The following TBC1D1 variants were observed in gnomAD, a reference collection of about 807,000 sequenced individuals.
The protein encoded by TBC1D1 is TBC1 (tre-2/USP6, BUB2, cdc16) domain family, member 1.
A neutral mutation model predicts 125.6 loss-of-function variants in TBC1D1; 89 were observed. That is an observed-to-expected ratio of 0.71 (90% CI 0.60 to 0.85). TBC1D1 has a LOEUF of 0.85. Ranked by LOEUF, TBC1D1 falls within the 40% of genes least tolerant of loss-of-function variation. The probability of loss-of-function intolerance (pLI) is 0.00; values close to 1 mark genes in which losing one functional copy is unlikely to be tolerated. For synonymous variants in TBC1D1, 565 were observed against 564.1 expected (o/e 1.00, Z -0.02); for missense variants, 1,377 against 1,469.2 (o/e 0.94, Z 1.03).
intron 12 of TBC1D1, among the ~76,000 whole-genome samples, chr4:38,089,314 G>C (rs1451544463): frequency 6.6e-6 from 1 of 152,206 alleles, no homozygotes; most frequent in Non-Finnish European, 1.5e-5. Flanking sequence ...CGTGGTAGAA[G>C]GTCTGCTAGT....
chr4:38,071,939 A>AG, intron 12 of TBC1D1, among the ~76,000 whole-genome samples: 1 of 152,326 alleles, frequency 6.6e-6, no homozygotes, highest in East Asian at 1.9e-4. Flanking sequence ...AATAGTGTCT[A>AG]GGGTCAGCAC....
At chr4:38,008,318 ACTT>A (rs1740772126) in intron 2 of TBC1D1, among the ~76,000 whole-genome samples, 3 of 152,236 alleles carry the variant, frequency 2.0e-5, no homozygotes, top group South Asian at 4.1e-4. Context: ...CCATTCGATT[ACTT>A]CTTTTGTGGT....
intron 1 of TBC1D1, among the ~76,000 whole-genome samples, chr4:37,895,224 T>C (rs1323244745): frequency 6.6e-6 from 1 of 152,216 alleles, no homozygotes; most frequent in Non-Finnish European, 1.5e-5. Context: ...AATCAGTTAA[T>C]AAACACACTA....
chr4:38,106,711 C>T (rs979999259), intron 15 of TBC1D1, among the ~76,000 whole-genome samples: 9 of 152,150 alleles, frequency 5.9e-5, no homozygotes, highest in Admixed American at 2.6e-4. Flanking sequence ...CATTCTTCCA[C>T]GGACACGATC....
At chr4:37,931,787 C>T (rs983341885) in intron 2 of TBC1D1, among the ~76,000 whole-genome samples, 1 of 152,030 alleles carries the variant, frequency 6.6e-6, no homozygotes, top group African/African-American at 2.4e-5. Context: ...TTCCATTCCT[C>T]TTATTCCTTT....
intron 2 of TBC1D1, among the ~76,000 whole-genome samples, chr4:37,947,755 G>A (rs888084685): frequency 2.7e-4 from 41 of 152,304 alleles, no homozygotes; most frequent in African/African-American, 9.6e-4. Context: ...GTTGTTTGGA[G>A]ACAAAGTAGA....
rs757133766 is a variant in TBC1D1 at position 38,052,202 on chromosome 4, CGTGTGT to C, written c.1911-1994_1911-1989del. 35 of 628,502 alleles carry C rather than the reference CGTGTGT, an allele frequency of 5.6e-5. No homozygotes were observed. In the African/African-American group the frequency reaches 6.1e-4, roughly 11 times the overall value. The allele number at this position is 628,502 out of a possible 1,614,324, so 38.9% of individuals were successfully genotyped here. ...GTGTGTGTGTGTGTGTGTGCGCGCG[CGTGTGT>C]GTCTTTGTTTATATTTTGTCTTATT... is the stretch of plus-strand genomic sequence containing the variant. On this transcript the variant is annotated intron_variant, in intron 11 of 19. Transcript: ENST00000261439.
At chr4:37,930,064 A>G (rs1722955139) in intron 2 of TBC1D1, among the ~76,000 whole-genome samples, 1 of 152,240 alleles carries the variant, frequency 6.6e-6, no homozygotes, top group South Asian at 2.1e-4. Context: ...ATGAATGGAA[A>G]GTTGACAGCA....
chr4:38,052,194 T>TGTGTGTGTGTGTGC lies in TBC1D1; in HGVS notation c.1911-2004_1911-2003insTGTGTGTGTGTGCG, dbSNP rs755025486. On this transcript the variant is annotated intron_variant, in intron 11 of 19. Coordinates refer to ENST00000261439, the MANE Select transcript of TBC1D1 (RefSeq NM_015173.4). ...GTGTGTGTGTGTGTGTGTGTGTGTG[T>TGTGTGTGTGTGTGC]GCGCGCGCGTGTGTGTCTTTGTTTA... 2.8e-3 allele frequency: 1,598 copies of TGTGTGTGTGTGTGC among 580,768 alleles called. 3 individuals carry two copies. The highest frequency in any genetic ancestry group is 3.2e-3 in the Admixed American group (92 of 28,318). 36.0% of individuals were successfully genotyped at this position (580,768 alleles called of 1,614,324 possible).
At chr4:37,931,974 CTGTT>C (rs201192549) in intron 2 of TBC1D1, among the ~76,000 whole-genome samples, 3,358 of 152,262 alleles carry the variant, frequency 0.022, 52 homozygotes, top group Middle Eastern at 0.034. Context: ...TATTCTGTAT[CTGTT>C]TCCCTACCAG....
At chr4:38,051,969 C>A in intron 11 of TBC1D1, 1 of 1,550,830 alleles carries the variant, frequency 6.4e-7, no homozygotes, top group African/African-American at 1.4e-5. Context: ...TCCTCCACCT[C>A]GTCTTAACCC....
intron 12 of TBC1D1, among the ~76,000 whole-genome samples, chr4:38,067,077 A>G (rs1403930751): frequency 1.3e-5 from 2 of 152,052 alleles, no homozygotes; most frequent in Admixed American, 6.5e-5. Context: ...GGGTTTCACC[A>G]TGTTAACCAG....
At position 38,014,908 on chromosome 4, in the gene TBC1D1, C is replaced by G. The variant is rs1742359793; in HGVS notation, c.817C>G (p.Leu273Val). The change falls in exon 3 of 20, where the codon CTC becomes GTC. Residue 273 changes from leucine (L) to valine (V), a missense_variant. Coordinates refer to ENST00000261439, the MANE Select transcript of TBC1D1 (RefSeq NM_015173.4). The surrounding 1 kb of genome is among the most constrained non-coding windows in gnomAD (Gnocchi z 5.1). ...CGAGGAGAGCGACATTGAGAACCAC[C>G]TCATTAGCGGACACAATATTGTGCA... is the stretch of plus-strand genomic sequence containing the variant. 1 of 1,597,758 alleles carries G rather than the reference C, an allele frequency of 6.3e-7. No individual in the cohort carries two copies. The highest frequency in any genetic ancestry group is 8.6e-7 in the Non-Finnish European group (1 of 1,168,684).
At position 37,902,258 on chromosome 4, in the gene TBC1D1, A is replaced by C. The variant is rs1022295476; in HGVS notation, c.163A>C (p.Thr55Pro). ...GGTGCGAAGACTCAGCAGGCAGTCC[A>C]CCAGAAAGGAACCTGTAACCAAGCA... The change falls in exon 2 of 20, where the codon ACC becomes CCC. Residue 55 changes from threonine (T) to proline (P), a missense_variant. This residue lies in a region of TBC1D1 where 822 missense variants were observed against 824.6 expected (regional missense o/e 1.00). Coordinates refer to ENST00000261439, the MANE Select transcript of TBC1D1 (RefSeq NM_015173.4). 1.2e-6 allele frequency: 2 copies of C among 1,613,926 alleles called. No homozygotes were observed. The highest frequency in any genetic ancestry group is 8.5e-7 in the Non-Finnish European group (1 of 1,179,998).
intron 4 of TBC1D1, among the ~76,000 whole-genome samples, chr4:38,019,774 G>C (rs914879825): frequency 3.3e-5 from 5 of 152,102 alleles, no homozygotes; most frequent in African/African-American, 1.2e-4. Flanking sequence ...TGATACCATG[G>C]TAGAGCCTTG....
At position 38,021,658 on chromosome 4, in the gene TBC1D1, G is replaced by C. The variant is rs61731607; in HGVS notation, c.1150G>C (p.Ala384Pro). 0.029 allele frequency: 46,311 copies of C among 1,597,436 alleles called. 824 individuals carry two copies. Among genetic ancestry groups the C allele is most frequent in the Middle Eastern group, 0.047 (257 of 5,462 alleles). ...AGTGCAGCAGACAGCTAAGGCGCCA[G>C]CCCAGCTGTGTGAGGGCTGCCCCCT... Residue 384 changes from alanine to proline, a missense_variant, in exon 6 of 20, where the codon GCC (alanine) becomes CCC (proline). By Grantham distance (27) the Ala-to-Pro change is conservative. Around this residue, in one of 3 missense-constraint regions of TBC1D1, gnomAD observed 822 missense variants for 824.6 expected, o/e 1.00. Transcript: ENST00000261439.
At chr4:38,018,246 G>A (rs74971654) in intron 3 of TBC1D1, 108 bp from the exon 4 acceptor site, 57,493 of 826,946 alleles carry the variant, frequency 0.07, 2,495 homozygotes, top group Admixed American at 0.14. Context: ...TGATTTCTAC[G>A]ATGATAGAGT....
In TBC1D1 at chr4:38,090,129, A is replaced by C; in HGVS notation, c.2236+12A>C. ...TCAGAAGCTCCAAGGTTGGTTTGCC[A>C]TCTTGATATTGAACAGGCCTGGTCT... On this transcript the variant is annotated intron_variant, in intron 13 of 19. Coordinates refer to ENST00000261439, the MANE Select transcript of TBC1D1 (RefSeq NM_015173.4). 2 of 1,613,898 alleles carry C rather than the reference A, an allele frequency of 1.2e-6. No individual in the cohort carries two copies. The highest frequency in any genetic ancestry group is 1.1e-5 in the South Asian group (1 of 91,038).
At chr4:38,133,735 A>T (rs1315649099) in intron 19 of TBC1D1, among the ~76,000 whole-genome samples, 1 of 152,234 alleles carries the variant, frequency 6.6e-6, no homozygotes, top group Non-Finnish European at 1.5e-5. Context: ...CAAAGATTTG[A>T]TTAATGAAGG....
Sources: gnomAD v4.1 joint callset for allele counts (sites outside exome capture counted in the v4.1 genomes callset) on GRCh38, gnomAD v4.1.1 for gene constraint, gnomAD v4.1.1 regional missense constraint, Gnocchi (gnomAD v3.1) non-coding constraint, MANE v1.5 for transcripts, NCBI Gene and HGNC (gene_info 2026-07-23, HGNC 2026-07-21) for gene names.